Variants in LAMA2 observed in about 807,000 individuals in gnomAD.
LAMA2 encodes laminin subunit alpha-2.
In LAMA2, 269 loss-of-function variants were observed where a neutral mutation model predicts 364.8. The ratio of observed to expected loss-of-function variants is 0.74; its 90% confidence interval spans 0.67 to 0.82. The LOEUF (loss-of-function observed/expected upper bound fraction) is 0.82, where lower values mean the gene tolerates loss of function less well. Ranked by LOEUF, LAMA2 falls within the 40% of genes least tolerant of loss-of-function variation. The probability of loss-of-function intolerance (pLI) is 0.00; values close to 1 mark genes in which losing one functional copy is unlikely to be tolerated. For synonymous variants in LAMA2, 1,379 were observed against 1,370.6 expected (o/e 1.01, Z -0.14); for missense variants, 3,807 against 3,873.2 (o/e 0.98, Z 0.45).
At chr6:129,026,252 T>C (rs749223314) in intron 1 of LAMA2, among the ~76,000 whole-genome samples, 2 of 152,200 alleles carry the variant, frequency 1.3e-5, no homozygotes, top group Non-Finnish European at 2.9e-5. Context: ...AAAATATTTA[T>C]GGTAATTAAG....
intron 12 of LAMA2, among the ~76,000 whole-genome samples, chr6:129,220,011 A>G (rs1222470345): frequency 6.6e-6 from 1 of 152,132 alleles, no homozygotes; most frequent in Non-Finnish European, 1.5e-5. Flanking sequence ...CCATTAAAAA[A>G]AAGTTCATCG....
Position 129,007,028 on chromosome 6 carries a change from G to T in LAMA2, c.113-42890G>T, listed in dbSNP as rs372445188. Among the ~76,000 whole-genome samples the T allele has an allele frequency of 5.3e-5, 8 of 152,154 alleles. 1 individual carries two copies. The South Asian group carries it at 6.2e-4, about 12-fold the overall frequency. On this transcript the variant is annotated intron_variant, in intron 1 of 64. Transcript: ENST00000421865. ...CAACCACCCCTTTGTGCTCACAAAG[G>T]TCTTTGTAGTTACATTATTTATCAT...
At chr6:129,315,990 T>C (rs769179378) in intron 26 of LAMA2, 40 bp downstream of exon 26, 75 of 1,613,838 alleles carry the variant, frequency 4.6e-5, no homozygotes, top group Non-Finnish European at 6.3e-5. Context: ...TACCAATCAA[T>C]GGTTTTGCAT....
intron 3 of LAMA2, among the ~76,000 whole-genome samples, chr6:129,094,038 CAAGACACAGTTAATAA>C (rs1208427550): frequency 1.3e-5 from 2 of 152,018 alleles, no homozygotes; most frequent in Non-Finnish European, 2.9e-5. Flanking sequence ...ATAATGAAAA[CAAGACACAGTTAATAA>C]AAGTAGCATA....
At chr6:129,276,476 A>G (rs1222274210) in intron 17 of LAMA2, among the ~76,000 whole-genome samples, 1 of 152,100 alleles carries the variant, frequency 6.6e-6, no homozygotes, top group African/African-American at 2.4e-5. Flanking sequence ...ATATGTGTTT[A>G]ATTTTATTTT....
At chr6:129,482,975 G>A (rs756871554) in intron 55 of LAMA2, among the ~76,000 whole-genome samples, 13 of 151,468 alleles carry the variant, frequency 8.6e-5, no homozygotes, top group Non-Finnish European at 1.8e-4. Context: ...GCTGAGGCAG[G>A]AGAATTGCTT....
chr6:129,316,680 C>T (rs1376260806), intron 27 of LAMA2, among the ~76,000 whole-genome samples: 2 of 152,180 alleles, frequency 1.3e-5, no homozygotes, highest in Non-Finnish European at 2.9e-5. Context: ...TCACACAGAA[C>T]AGCAAGAATG....
chr6:129,114,694 C>T lies in LAMA2; in HGVS notation c.639+16279C>T, dbSNP rs544414496. On this transcript the variant is annotated intron_variant, in intron 4 of 64. Coordinates refer to ENST00000421865, the MANE Select transcript of LAMA2 (RefSeq NM_000426.4). ...GGTAGTTGAAAGACGCTACTGTTTA[C>T]GAGGCATTGCTAAAAGCTTTTGGGT... 6.6e-5 allele frequency among the ~76,000 whole-genome samples: 10 copies of T among 151,982 alleles called. No individual in the cohort carries two copies. In the East Asian group the frequency reaches 7.7e-4, roughly 12 times the overall value.
In LAMA2 at chr6:129,202,458, C is replaced by T. The variant is rs560758517; in HGVS notation, c.1782+9605C>T. On this transcript the variant is annotated intron_variant, in intron 12 of 64. Coordinates refer to ENST00000421865, the MANE Select transcript of LAMA2 (RefSeq NM_000426.4). ...GGTTGAGGATGCTGCCTTGCCCTTT[C>T]CTTTACGTGAAGGGGCAGCAAGGAG... Among the ~76,000 whole-genome samples, 6 of 152,150 alleles carry T rather than the reference C, an allele frequency of 3.9e-5. No homozygotes were observed. The South Asian group carries it at 1.0e-3, about 26-fold the overall frequency.
At chr6:129,270,243 A>G (rs564326265) in intron 16 of LAMA2, among the ~76,000 whole-genome samples, 6 of 151,216 alleles carry the variant, frequency 4.0e-5, no homozygotes, top group Middle Eastern at 3.4e-3. Flanking sequence ...TCCATTAAAC[A>G]TATGTTATTA....
chr6:129,256,127 C>A (rs1468234183), intron 14 of LAMA2, among the ~76,000 whole-genome samples: 1 of 152,094 alleles, frequency 6.6e-6, no homozygotes, highest in Non-Finnish European at 1.5e-5. Flanking sequence ...ATGTTAAGCA[C>A]CTGAAATAGT....
chr6:129,040,385 T>C (rs914744542), intron 1 of LAMA2, among the ~76,000 whole-genome samples: 1 of 151,756 alleles, frequency 6.6e-6, no homozygotes. Flanking sequence ...GTTTGGGAGG[T>C]TGAGGTGGGA....
At chr6:129,318,177 AT>A (rs1173884036) in intron 27 of LAMA2, among the ~76,000 whole-genome samples, 1 of 152,226 alleles carries the variant, frequency 6.6e-6, no homozygotes, top group African/African-American at 2.4e-5. Context: ...ATCTTTATTT[AT>A]TCAATTATAA....
At chr6:129,186,538 C>T (rs1339570782) in intron 10 of LAMA2, among the ~76,000 whole-genome samples, 1 of 151,526 alleles carries the variant, frequency 6.6e-6, no homozygotes, top group Non-Finnish European at 1.5e-5. Flanking sequence ...GATATTTTTA[C>T]ATCTGGAGAC....
At chr6:129,275,636 G>T (rs1185854224) in intron 17 of LAMA2, among the ~76,000 whole-genome samples, 1 of 151,318 alleles carries the variant, frequency 6.6e-6, no homozygotes, top group Non-Finnish European at 1.5e-5. Flanking sequence ...ACTAGAGCAG[G>T]ATGAGAAAAC....
chr6:128,905,010 ATAAT>A (rs1190513706), intron 1 of LAMA2, among the ~76,000 whole-genome samples: 2 of 152,204 alleles, frequency 1.3e-5, no homozygotes, highest in African/African-American at 4.8e-5. Flanking sequence ...GTTAAATGAA[ATAAT>A]TAACCATTTT....
At chr6:129,292,732 C>T in intron 20 of LAMA2, 6 of 888,282 alleles carry the variant, frequency 6.8e-6, no homozygotes, top group Non-Finnish European at 4.0e-6. Context: ...AAAATATCAT[C>T]TGCTTCTGTC....
rs761598668 is a variant in LAMA2 at position 129,507,509 on chromosome 6, C to G, written c.8724C>G (p.Gly2908=). 4.0e-5 allele frequency: 65 copies of G among 1,614,026 alleles called. No individual in the cohort carries two copies. In the East Asian group the frequency reaches 1.4e-3, roughly 36 times the overall value. ...RIGPVTYSID[G]CVRNLHMAEA... Reference sequence around the variant, plus strand: ...TTTAGGTGACCTATAGCATTGATGGCTGCGTCAGGAATCTCCACATGGCAG... The same window carrying G: ...TTTAGGTGACCTATAGCATTGATGGGTGCGTCAGGAATCTCCACATGGCAG... Residue 2908 remains glycine, a synonymous_variant, in exon 62 of 65, where the codon GGC becomes GGG. Transcript: ENST00000421865.
intron 1 of LAMA2, among the ~76,000 whole-genome samples, chr6:128,900,159 C>A (rs142570106): frequency 1.7e-3 from 260 of 152,276 alleles, no homozygotes; most frequent in East Asian, 0.012. Flanking sequence ...TATCAGCCAG[C>A]AAAATGGTGA....
Sources: allele counts gnomAD v4.1 joint callset (sites outside exome capture counted in the v4.1 genomes callset), GRCh38; gene constraint gnomAD v4.1.1; transcripts MANE v1.5; gene names NCBI Gene and HGNC (gene_info 2026-07-23, HGNC 2026-07-21).